LRRC36: variants seen among roughly 807,000 people sequenced by gnomAD.
LRRC36 encodes the protein leucine rich repeat containing 36.
LRRC36 carries 62 observed loss-of-function variants against 81.1 expected under a neutral mutation model. The observed-to-expected ratio is 0.76, with a 90% CI of 0.62 to 0.94. LRRC36 has a LOEUF of 0.94. Among genes scored for constraint, LRRC36 ranks in the 40% least tolerant of loss-of-function variants. The probability of loss-of-function intolerance (pLI) is 0.00; values close to 1 mark genes in which losing one functional copy is unlikely to be tolerated. For missense variants in LRRC36, 761 were observed against 881.7 expected (o/e 0.86, Z 1.73); for synonymous variants, 334 against 348.6 (o/e 0.96, Z 0.47).
chr16:67,340,551 G>A (rs2037982936), intron 1 of LRRC36, among the ~76,000 whole-genome samples: 1 of 151,956 alleles, frequency 6.6e-6, no homozygotes, highest in Non-Finnish European at 1.5e-5. Flanking sequence ...AGCTACTTGG[G>A]AGGCTGAGGC....
intron 5 of LRRC36, among the ~76,000 whole-genome samples, chr16:67,360,989 A>G (rs1017603820): frequency 6.6e-6 from 1 of 152,196 alleles, no homozygotes; most frequent in Non-Finnish European, 1.5e-5. Flanking sequence ...TAATAAATGT[A>G]TTGATCAAGA....
In LRRC36 at chr16:67,346,390, G is replaced by A. The variant is rs533269163; in HGVS notation, c.333G>A (p.Arg111=). The A allele has an allele frequency of 8.1e-6, 13 of 1,613,234 alleles. No homozygotes were observed. The highest frequency in any genetic ancestry group is 7.7e-5 in the South Asian group (7 of 90,916). ...ELDLRLNPVV[R]KDTDYRLFAV... ...ATTTGAGACTTAATCCTGTTGTAAGGAAAGATACAGATTATAGGCTCTTTG... is the reference window on the plus strand; with the variant it reads ...ATTTGAGACTTAATCCTGTTGTAAGAAAAGATACAGATTATAGGCTCTTTG... The change falls in exon 3 of 14, where the codon AGG becomes AGA. Residue 111 remains arginine, a synonymous_variant. Transcript: ENST00000329956.
At chr16:67,365,899 T>G (rs937604306) in intron 7 of LRRC36, among the ~76,000 whole-genome samples, 3 of 151,410 alleles carry the variant, frequency 2.0e-5, no homozygotes, top group African/African-American at 7.3e-5. Flanking sequence ...CAGTGTAGAT[T>G]TAAATCTATC....
intron 13 of LRRC36, 136 bp downstream of exon 13, chr16:67,382,383 C>A: frequency 1.6e-6 from 1 of 608,744 alleles, no homozygotes; most frequent in Non-Finnish European, 2.9e-6. Context: ...CTGTATCTGG[C>A]CAGTTAGCTC....
chr16:67,351,822 A>T (rs1301401378), intron 5 of LRRC36, among the ~76,000 whole-genome samples: 5 of 152,182 alleles, frequency 3.3e-5, no homozygotes, highest in African/African-American at 1.2e-4. Flanking sequence ...TTTAAATAGC[A>T]TTTTTAATAT....
chr16:67,382,798 G>A (rs749745793), intron 13 of LRRC36, among the ~76,000 whole-genome samples: 24 of 152,102 alleles, frequency 1.6e-4, no homozygotes, highest in African/African-American at 4.6e-4. Flanking sequence ...CCTGGCCAAC[G>A]TGGTGAAACT....
intron 5 of LRRC36, among the ~76,000 whole-genome samples, chr16:67,351,259 C>G (rs1056173137): frequency 1.3e-5 from 2 of 152,028 alleles, no homozygotes; most frequent in Non-Finnish European, 2.9e-5. Flanking sequence ...TACACAAACT[C>G]TAAACATCAA....
chr16:67,335,074 G>T (rs372787486), intron 1 of LRRC36, among the ~76,000 whole-genome samples: 1 of 152,132 alleles, frequency 6.6e-6, no homozygotes, highest in Non-Finnish European at 1.5e-5. Flanking sequence ...TTTCAGGCAC[G>T]CATTGTCATT....
chr16:67,351,672 A>G (rs2038643997), intron 5 of LRRC36, among the ~76,000 whole-genome samples: 1 of 152,206 alleles, frequency 6.6e-6, no homozygotes, highest in South Asian at 2.1e-4. Flanking sequence ...GCGCCACTGC[A>G]CTCTAGCCTG....
chr16:67,346,092 G>T (rs1317411238), intron 2 of LRRC36, among the ~76,000 whole-genome samples, 164 bp from the exon 3 acceptor site: 3 of 152,178 alleles, frequency 2.0e-5, no homozygotes, highest in Non-Finnish European at 4.4e-5. Context: ...GACTGCAGTG[G>T]TCTTATTTTC....
chr16:67,331,046 G>A (rs886673293), intron 1 of LRRC36, among the ~76,000 whole-genome samples: 1 of 144,262 alleles, frequency 6.9e-6, no homozygotes, highest in Non-Finnish European at 1.5e-5. Context: ...GGCAGAAGGT[G>A]CATGTGTGAG....
intron 1 of LRRC36, 103 bp from the exon 2 acceptor site, chr16:67,341,854 C>A: frequency 2.5e-6 from 2 of 811,836 alleles, no homozygotes; most frequent in Non-Finnish European, 3.8e-6. Flanking sequence ...GGATGTAGGG[C>A]CTTGCACAGT....
In LRRC36 at chr16:67,375,366, G is replaced by A. The variant is rs772076745; in HGVS notation, c.1614G>A (p.Lys538=). The change falls in exon 10 of 14, where the codon AAG becomes AAA. Residue 538 remains lysine, a synonymous_variant. Transcript: ENST00000329956. ...VLRQLLELVD[K]HWNGSGSLLL... is the part of the protein sequence containing the mutation. ...GACAGCTCCTGGAGCTTGTGGATAA[G>A]CACTGGAATGGCTCCGGCTCCCTCC... 6.2e-7 allele frequency: 1 copy of A among 1,607,594 alleles called. No individual in the cohort carries two copies. Among genetic ancestry groups the A allele is most frequent in the African/African-American group, 1.3e-5 (1 of 74,146 alleles).
At chr16:67,328,791 C>G (rs1386201891) in intron 1 of LRRC36, among the ~76,000 whole-genome samples, 2 of 152,140 alleles carry the variant, frequency 1.3e-5, no homozygotes, top group African/African-American at 2.4e-5. Context: ...GGCCAAGCTT[C>G]TTTCACGTAT....
chr16:67,339,755 A>G (rs1011233316), intron 1 of LRRC36, among the ~76,000 whole-genome samples: 1 of 152,004 alleles, frequency 6.6e-6, no homozygotes, highest in African/African-American at 2.4e-5. Context: ...CTTTGCATCT[A>G]TGTCCCTGTT....
rs1249154531 is a variant in LRRC36 at position 67,385,062 on chromosome 16, G to A, written c.2238G>A (p.Leu746=). 1 of 1,613,860 alleles carries A rather than the reference G, an allele frequency of 6.2e-7. No homozygotes were observed. The highest frequency in any genetic ancestry group is 8.5e-7 in the Non-Finnish European group (1 of 1,180,000). The change falls in exon 14 of 14, where the codon TTG becomes TTA. Residue 746 remains leucine, a synonymous_variant. Coordinates refer to ENST00000329956, the MANE Select transcript of LRRC36 (RefSeq NM_018296.6). ...GTCAGTATCTAATACAGAGCGTCTTGGATGCTGCCCCAGAGCCTGGCTTAT... is the reference window on the plus strand; with the variant it reads ...GTCAGTATCTAATACAGAGCGTCTTAGATGCTGCCCCAGAGCCTGGCTTAT... ...ETGQYLIQSV[L]DAAPEPGL
intron 5 of LRRC36, among the ~76,000 whole-genome samples, chr16:67,356,191 A>G (rs1455907276): frequency 6.6e-6 from 1 of 152,212 alleles, no homozygotes; most frequent in East Asian, 1.9e-4. Flanking sequence ...TTCTAAAATA[A>G]CAAGGAAAAA....
chr16:67,354,004 C>A (rs2038778859), intron 5 of LRRC36, among the ~76,000 whole-genome samples: 1 of 152,138 alleles, frequency 6.6e-6, no homozygotes, highest in Non-Finnish European at 1.5e-5. Flanking sequence ...GCTCCCACTC[C>A]CCTACTAAAT....
chr16:67,346,478 C>A (rs761025560), intron 3 of LRRC36, 30 bp downstream of exon 3: 19 of 1,446,004 alleles, frequency 1.3e-5, no homozygotes, highest in Non-Finnish European at 1.7e-5. Flanking sequence ...TTCCTGTCCA[C>A]AGAATCTTAC....
Sources: allele counts gnomAD v4.1 joint callset (sites outside exome capture counted in the v4.1 genomes callset), GRCh38; gene constraint gnomAD v4.1.1; transcripts MANE v1.5; gene names NCBI Gene and HGNC (gene_info 2026-07-23, HGNC 2026-07-21).